The following ARHGAP20 variants were observed in gnomAD, a reference collection of about 807,000 sequenced individuals.
ARHGAP20 encodes Rho GTPase activating protein 20.
ARHGAP20 carries 34 observed loss-of-function variants against 73.7 expected under a neutral mutation model. That is an observed-to-expected ratio of 0.46 (90% CI 0.35 to 0.61). The LOEUF (loss-of-function observed/expected upper bound fraction) is 0.61. Ranked by LOEUF, ARHGAP20 falls within the 20% of genes least tolerant of loss-of-function variation. ARHGAP20 has a pLI of 0.00. For synonymous variants in ARHGAP20, 523 were observed against 518.2 expected, an observed-to-expected ratio of 1.01 and a Z score of -0.13; for missense variants, 1,314 against 1,420.9, an observed-to-expected ratio of 0.92 and a Z score of 1.21.
intron 2 of ARHGAP20, among the ~76,000 whole-genome samples, chr11:110,667,621 T>C (rs1013188205): frequency 6.6e-6 from 1 of 152,234 alleles, no homozygotes; most frequent in Non-Finnish European, 1.5e-5. Context: ...TCAAGTCTTA[T>C]AGCTGCCATA....
chr11:110,694,725 C>A (rs999640715), intron 1 of ARHGAP20, among the ~76,000 whole-genome samples: 5 of 151,532 alleles, frequency 3.3e-5, no homozygotes, highest in African/African-American at 1.2e-4. Context: ...ATCTTCTTCC[C>A]AAATTTTCTC....
At chr11:110,638,576 T>C (rs1306629432) in intron 2 of ARHGAP20, among the ~76,000 whole-genome samples, 1 of 151,622 alleles carries the variant, frequency 6.6e-6, no homozygotes, top group Non-Finnish European at 1.5e-5. Context: ...ATTAATACAT[T>C]GATTTACTGG....
In ARHGAP20 at chr11:110,582,815, T is replaced by C. The variant is rs560082080; in HGVS notation, c.1606-380A>G. On this transcript the variant is annotated intron_variant, in intron 13 of 14. Coordinates refer to ENST00000683387, the MANE Select transcript of ARHGAP20 (RefSeq NM_001384657.1). ...GTCATAAGCTTGGGAAGAGGGCTCA[T>C]CTGCGAGTGCACTGTGAAGGAGAAA... is the stretch of plus-strand genomic sequence containing the variant. Among the ~76,000 whole-genome samples the C allele has an allele frequency of 2.6e-5, 4 of 152,338 alleles. No homozygotes were observed. The South Asian group carries it at 8.3e-4, about 32-fold the overall frequency.
At position 110,578,594 on chromosome 11, in the gene ARHGAP20, A is replaced by ATTCT. The variant is rs1947347974; in HGVS notation, c.*775_*776insAGAA. ...GCATTTCTGAAGAATGTTCCTAGGC[A>ATTCT]GAGATACCTTTGAAAGGGTACTGAA... On this transcript the variant is annotated 3_prime_UTR_variant, in exon 15 of 15. Coordinates refer to ENST00000683387, the MANE Select transcript of ARHGAP20 (RefSeq NM_001384657.1). The ATTCT allele has an allele frequency of 2.0e-6, 2 of 985,338 alleles. No individual in the cohort carries two copies. The highest frequency in any genetic ancestry group is 6.1e-5 in the Admixed American group (1 of 16,272). 61.0% of individuals were successfully genotyped at this position (985,338 alleles called of 1,614,324 possible). A position where few individuals can be genotyped will look rare whatever the true frequency, so the allele number is the denominator to read the frequency against.
At chr11:110,627,246 G>A (rs1025691481) in intron 3 of ARHGAP20, among the ~76,000 whole-genome samples, 1 of 151,920 alleles carries the variant, frequency 6.6e-6, no homozygotes, top group Non-Finnish European at 1.5e-5. Context: ...CTGCCACTAC[G>A]CCCGGCTAAT....
At chr11:110,688,999 G>GCTT (rs1555103221) in intron 2 of ARHGAP20, among the ~76,000 whole-genome samples, 6 of 137,604 alleles carry the variant, frequency 4.4e-5, no homozygotes, top group African/African-American at 5.4e-5. Flanking sequence ...CTTTCATATA[G>GCTT]TTTTTTTTTT....
At chr11:110,667,431 C>A (rs1949744260) in intron 2 of ARHGAP20, among the ~76,000 whole-genome samples, 3 of 152,090 alleles carry the variant, frequency 2.0e-5, no homozygotes, top group South Asian at 4.1e-4. Flanking sequence ...ATTTTAAGTC[C>A]ATTGTTAAGA....
intron 2 of ARHGAP20, among the ~76,000 whole-genome samples, chr11:110,657,535 T>C (rs916512024): frequency 1.3e-5 from 2 of 151,958 alleles, no homozygotes; most frequent in Admixed American, 1.3e-4. Flanking sequence ...CTTGAAGTAA[T>C]TATCTAAGTA....
chr11:110,613,438 C>T (rs1033031728), intron 6 of ARHGAP20, among the ~76,000 whole-genome samples: 2 of 152,152 alleles, frequency 1.3e-5, no homozygotes, highest in African/African-American at 4.8e-5. Context: ...TCATCCTTGA[C>T]TTAACCAGGG....
In ARHGAP20 at chr11:110,578,540, A is replaced by T. The variant is rs1947346377; in HGVS notation, c.*830T>A. ...CTCCATATTGAGAGTGAACGCTGTC[A>T]GGAGGTCACCTTCTAAATAGAAGAA... On this transcript the variant is annotated 3_prime_UTR_variant, in exon 15 of 15. Transcript: ENST00000683387. 1.0e-6 allele frequency: 1 copy of T among 985,324 alleles called. No individual in the cohort carries two copies. Among genetic ancestry groups the T allele is most frequent in the African/African-American group, 1.7e-5 (1 of 57,240 alleles). 61.0% of individuals were successfully genotyped at this position (985,324 alleles called of 1,614,324 possible).
At chr11:110,705,661 G>T (rs1717489877) in intron 1 of ARHGAP20, among the ~76,000 whole-genome samples, 1 of 152,000 alleles carries the variant, frequency 6.6e-6, no homozygotes, top group Non-Finnish European at 1.5e-5. Flanking sequence ...CACATTTTAA[G>T]TGAGCATAAC....
intron 2 of ARHGAP20, among the ~76,000 whole-genome samples, chr11:110,646,101 G>A (rs1353171482): frequency 1.3e-5 from 2 of 152,004 alleles, no homozygotes. Flanking sequence ...ATCTGCACAT[G>A]TACCTCCTGA....
intron 4 of ARHGAP20, among the ~76,000 whole-genome samples, chr11:110,623,189 T>G (rs942955326): frequency 6.6e-6 from 1 of 152,210 alleles, no homozygotes. Flanking sequence ...CATGCCTATC[T>G]TTTAATAAAA....
intron 2 of ARHGAP20, among the ~76,000 whole-genome samples, chr11:110,686,344 A>C (rs546861517): frequency 6.6e-6 from 1 of 152,260 alleles, no homozygotes; most frequent in South Asian, 2.1e-4. Context: ...TCTATATTTA[A>C]ATGAGAATTT....
At chr11:110,697,795 T>C (rs181121691) in intron 1 of ARHGAP20, among the ~76,000 whole-genome samples, 1 of 152,016 alleles carries the variant, frequency 6.6e-6, no homozygotes, top group Non-Finnish European at 1.5e-5. Flanking sequence ...TCTATTTTTA[T>C]ACCAGGACCA....
chr11:110,579,281 A>G lies in ARHGAP20; in HGVS notation c.*89T>C. On this transcript the variant is annotated 3_prime_UTR_variant, in exon 15 of 15. Transcript: ENST00000683387. ...TGATAATCCTTATGCTACCTCTCCC[A>G]GGTATCTTATACAAAGGGGTCATAA... 2.7e-6 allele frequency: 4 copies of G among 1,465,790 alleles called. No homozygotes were observed. Among genetic ancestry groups the G allele is most frequent in the Non-Finnish European group, 3.6e-6 (4 of 1,108,316 alleles). 90.8% of individuals were successfully genotyped at this position (1,465,790 alleles called of 1,614,324 possible). A position where few individuals can be genotyped will look rare whatever the true frequency, so the allele number is the denominator to read the frequency against.
At chr11:110,686,486 A>G (rs1028180199) in intron 2 of ARHGAP20, among the ~76,000 whole-genome samples, 31 of 152,218 alleles carry the variant, frequency 2.0e-4, no homozygotes, top group African/African-American at 7.2e-4. Flanking sequence ...ACATGTCCAT[A>G]TTGTTTTCTT....
At chr11:110,690,942 G>A (rs1565479947) in intron 1 of ARHGAP20, 1 of 1,429,482 alleles carries the variant, frequency 7.0e-7, no homozygotes, top group Non-Finnish European at 9.5e-7. Context: ...CATGTGTCTG[G>A]CTCTATGCTA....
intron 2 of ARHGAP20, among the ~76,000 whole-genome samples, chr11:110,642,673 T>C (rs1375087642): frequency 2.6e-5 from 4 of 152,180 alleles, no homozygotes. Flanking sequence ...GATTTGCTGT[T>C]GGATTTGGTT....
Sources: gnomAD v4.1 joint callset for allele counts (sites outside exome capture counted in the v4.1 genomes callset) on GRCh38, gnomAD v4.1.1 for gene constraint, MANE v1.5 for transcripts, NCBI Gene and HGNC (gene_info 2026-07-23, HGNC 2026-07-21) for gene names.